The following PHF19 variants were observed in gnomAD, a reference collection of about 807,000 sequenced individuals.
The protein encoded by PHF19 is polycomb like 3.
In PHF19, 21 loss-of-function variants were observed where a neutral mutation model predicts 79.8. The ratio of observed to expected loss-of-function variants is 0.26; its 90% confidence interval spans 0.19 to 0.38. PHF19 has a LOEUF of 0.38. Among genes scored for constraint, PHF19 ranks in the 10% least tolerant of loss-of-function variants. The pLI, the probability that PHF19 is intolerant of heterozygous loss-of-function variation, is 1.00. For missense variants in PHF19, 445 were observed against 744.2 expected, an observed-to-expected ratio of 0.60 and a Z score of 4.68; for synonymous variants, 273 against 296.3, an observed-to-expected ratio of 0.92 and a Z score of 0.81.
rs1052232464 is a variant in PHF19 at position 120,874,552 on chromosome 9, T to C, written c.186+4A>G. The C allele has an allele frequency of 1.3e-6, 2 of 1,588,254 alleles. No homozygotes were observed. Among genetic ancestry groups the C allele is most frequent in the African/African-American group, 1.3e-5 (1 of 74,384 alleles). On this transcript the variant is annotated splice_donor_region_variant and intron_variant, in intron 2 of 14. Transcript: ENST00000373896. This position sits in a 1 kb window ranked among gnomAD's most constrained non-coding sequence, Gnocchi z 4.5. ...AGAACAGGGGCCAGAGAGGATGGGT[T>C]TACCCTCTTGATCTTCCCGAGGTAG... is the stretch of plus-strand genomic sequence containing the variant.
chr9:120,880,980 A>G (rs1294509257), upstream of PHF19, among the ~76,000 whole-genome samples: 2 of 152,100 alleles, frequency 1.3e-5, no homozygotes, highest in African/African-American at 2.4e-5. Flanking sequence ...ACAAACAACA[A>G]AAAACCCAAA....
rs2045809080 is a variant in PHF19 at position 120,869,108 on chromosome 9, C to T, written c.614+74G>A. On this transcript the variant is annotated intron_variant, in intron 6 of 14. Transcript: ENST00000373896. The surrounding 1 kb of genome is among the most constrained non-coding windows in gnomAD (Gnocchi z 5.8). ...CTTGGCTGACACGCCAGGCTCGCTC[C>T]CTATGGGCGGTCCCTGCTGGCGATT... The T allele has an allele frequency of 2.0e-6, 3 of 1,477,218 alleles. No homozygotes were observed. 91.5% of individuals were successfully genotyped at this position (1,477,218 alleles called of 1,614,324 possible). A position where few individuals can be genotyped will look rare whatever the true frequency, so the allele number is the denominator to read the frequency against.
chr9:120,874,732 G>A lies in PHF19; in HGVS notation c.10C>T (p.Arg4Ter). The part of the protein sequence containing the change: MEN[R>*]ALDPGTRDSY... ...TCCCGAGTCCCTGGATCCAGAGCTC[G>A]ATTCTCCATCAGCTTCCCCTGACAC... The change falls in exon 2 of 15, where the codon CGA becomes TGA. Residue 4 changes from arginine to a stop codon, truncating the protein, a stop_gained. Coordinates refer to ENST00000373896, the MANE Select transcript of PHF19 (RefSeq NM_015651.3). LOFTEE classifies it high-confidence loss of function. The surrounding 1 kb of genome is among the most constrained non-coding windows in gnomAD (Gnocchi z 4.5). 3 of 1,612,548 alleles carry A rather than the reference G, an allele frequency of 1.9e-6. No homozygotes were observed. Among genetic ancestry groups the A allele is most frequent in the Non-Finnish European group, 2.5e-6 (3 of 1,178,736 alleles).
At chr9:120,901,390 T>C in the PHF19 span, among the ~76,000 whole-genome samples, 1 of 152,160 alleles carries the variant, frequency 6.6e-6, no homozygotes, top group Non-Finnish European at 1.5e-5. Flanking sequence ...AAACAGGGTT[T>C]CACTATGTTG....
chr9:120,865,875 T>C, intron 8 of PHF19, 45 bp from the exon 9 acceptor site: 1 of 1,613,382 alleles, frequency 6.2e-7, no homozygotes, highest in Non-Finnish European at 8.5e-7. Flanking sequence ...GGTGGCAGCC[T>C]GCTCAGCCAG....
chr9:120,877,120 T>C lies in PHF19; in HGVS notation c.-45A>G. 1.0e-6 allele frequency: 1 copy of C among 984,534 alleles called. No homozygotes were observed. Among genetic ancestry groups the C allele is most frequent in the Non-Finnish European group, 1.2e-6 (1 of 829,706 alleles). The allele number at this position is 984,534 out of a possible 1,614,324, so 61.0% of individuals were successfully genotyped here. A position where few individuals can be genotyped will look rare whatever the true frequency, so the allele number is the denominator to read the frequency against. ...AGGCTGCGTGTCCGCCGGTCCCACT[T>C]GGAGTCTGGCCACCAGGCGCATCGG... On this transcript the variant is annotated 5_prime_UTR_variant, in exon 1 of 15. Transcript: ENST00000373896.
At chr9:120,895,810 A>G (rs7036935), upstream of PHF19, among the ~76,000 whole-genome samples, 104,250 of 151,722 alleles carry the variant, frequency 0.69, 36,067 homozygotes, top group South Asian at 0.82. Context: ...GCACCACCAC[A>G]CCCAGCTAAT....
chr9:120,877,229 G>C (rs1261536477), upstream of PHF19: 1 of 949,840 alleles, frequency 1.1e-6, no homozygotes, highest in South Asian at 4.7e-5. Flanking sequence ...GGCGGGGGCG[G>C]GGCGGGGCGG....
rs954915995 is a variant in PHF19, at chr9:120,866,322, C to G, written c.711-226G>C. The stretch of plus-strand genomic sequence containing the variant: ...CTCCTTCCCAAATCTTGCCCTGAAG[C>G]GTGGCTGAGTTCACAGAGAGTGAGC... On this transcript the variant is annotated intron_variant, in intron 7 of 14. Transcript: ENST00000373896. The surrounding 1 kb of genome is among the most constrained non-coding windows in gnomAD (Gnocchi z 5.2). 1.3e-5 allele frequency among the ~76,000 whole-genome samples: 2 copies of G among 151,846 alleles called. No homozygotes were observed. Among genetic ancestry groups the G allele is most frequent in the Admixed American group, 6.5e-5 (1 of 15,284 alleles).
At chr9:120,889,318 C>T (rs1365199844) in intron 1 of PHF19, among the ~76,000 whole-genome samples, 3 of 150,786 alleles carry the variant, frequency 2.0e-5, no homozygotes, top group South Asian at 4.2e-4. Flanking sequence ...CCCTGCTACT[C>T]GGGAAGCTGA....
Position 120,860,935 on chromosome 9 carries a change from TG to T in PHF19, c.1304+153del. 1 of 621,914 alleles carries T rather than the reference TG, an allele frequency of 1.6e-6. No individual in the cohort carries two copies. The allele number at this position is 621,914 out of a possible 1,614,324, so 38.5% of individuals were successfully genotyped here. On this transcript the variant is annotated intron_variant, in intron 13 of 14. Transcript: ENST00000373896. The surrounding 1 kb of genome is among the most constrained non-coding windows in gnomAD (Gnocchi z 4.1). Reference sequence around the variant, plus strand: ...AGAAGAGGGGAGGGCTGTGGTGCTCTGGGAACAGGGATGTTATGCTGAAAGC... The same window carrying T: ...AGAAGAGGGGAGGGCTGTGGTGCTCTGGAACAGGGATGTTATGCTGAAAGC...
chr9:120,872,872 T>G (rs1160590802), intron 3 of PHF19, among the ~76,000 whole-genome samples: 2 of 152,060 alleles, frequency 1.3e-5, no homozygotes, highest in Non-Finnish European at 2.9e-5. Context: ...TTCACCCACC[T>G]TGGCCTCCCA....
intron 9 of PHF19, among the ~76,000 whole-genome samples, chr9:120,864,570 C>T (rs1003025056): frequency 6.6e-6 from 1 of 152,148 alleles, no homozygotes; most frequent in Non-Finnish European, 1.5e-5. Flanking sequence ...ATAATCCCAG[C>T]TACTTGGGAG....
At chr9:120,880,032 T>G (rs535984519), upstream of PHF19, among the ~76,000 whole-genome samples, 1 of 152,216 alleles carries the variant, frequency 6.6e-6, no homozygotes, top group South Asian at 2.1e-4. Context: ...TGTCGCACAG[T>G]TGGGACCCTC....
intron 1 of PHF19, among the ~76,000 whole-genome samples, chr9:120,875,609 C>G (rs2046023718): frequency 6.6e-6 from 1 of 152,230 alleles, no homozygotes. Flanking sequence ...GGTCTCAGTT[C>G]AGGCCTCATC....
chr9:120,899,202 G>GAA (rs753257044), upstream of PHF19, among the ~76,000 whole-genome samples: 4 of 61,504 alleles, frequency 6.5e-5, no homozygotes, highest in African/African-American at 1.3e-4. Context: ...CAGTCTCAAA[G>GAA]AAAAAAAAAA....
At chr9:120,899,881 C>T (rs868360203), upstream of PHF19, among the ~76,000 whole-genome samples, 2 of 152,240 alleles carry the variant, frequency 1.3e-5, no homozygotes, top group African/African-American at 4.8e-5. Context: ...CACTGCCCTT[C>T]CATGCCTCAG....
chr9:120,877,703 C>T (rs2046109283), upstream of PHF19, among the ~76,000 whole-genome samples: 1 of 152,222 alleles, frequency 6.6e-6, no homozygotes, highest in Non-Finnish European at 1.5e-5. Context: ...CAACACCTTG[C>T]ACTAACAGCA....
At chr9:120,879,278 A>G (rs1029847509), upstream of PHF19, among the ~76,000 whole-genome samples, 1 of 152,252 alleles carries the variant, frequency 6.6e-6, no homozygotes, top group African/African-American at 2.4e-5. Flanking sequence ...GAGCGGGGGG[A>G]TGTGAGACAC....
Sources: allele counts gnomAD v4.1 joint callset (sites outside exome capture counted in the v4.1 genomes callset), GRCh38; gene constraint gnomAD v4.1.1; non-coding constraint Gnocchi (gnomAD v3.1); transcripts MANE v1.5; gene names NCBI Gene and HGNC (gene_info 2026-07-23, HGNC 2026-07-21).